SLC14A2: variants seen among roughly 807,000 people sequenced by gnomAD.
SLC14A2 encodes solute carrier family 14 member 2, also known as urea transporter 2.
SLC14A2 carries 91 observed loss-of-function variants against 104.6 expected under a neutral mutation model. The observed-to-expected ratio is 0.87, with a 90% CI of 0.73 to 1.04. SLC14A2 has a LOEUF of 1.04. SLC14A2 is among the 50% of genes least tolerant of loss of function. The pLI, the probability that SLC14A2 is intolerant of heterozygous loss-of-function variation, is 0.00. For synonymous variants in SLC14A2, 476 were observed against 466.4 expected, an observed-to-expected ratio of 1.02 and a Z score of -0.27; for missense variants, 1,189 against 1,156.0, an observed-to-expected ratio of 1.03 and a Z score of -0.41.
chr18:45,330,112 G>T (rs1031195859), intron 1 of SLC14A2, among the ~76,000 whole-genome samples: 1 of 152,122 alleles, frequency 6.6e-6, no homozygotes, highest in African/African-American at 2.4e-5. Context: ...CTGAAGGAGG[G>T]TCTGAACCTG....
intron 2 of SLC14A2, among the ~76,000 whole-genome samples, chr18:45,565,581 G>A (rs1486376706): frequency 1.3e-5 from 2 of 152,232 alleles, no homozygotes; most frequent in African/African-American, 2.4e-5. Context: ...TGAGGACGAT[G>A]AGGCTCAGGA....
At chr18:45,500,349 G>A (rs1568244013) in intron 2 of SLC14A2, among the ~76,000 whole-genome samples, 3 of 151,938 alleles carry the variant, frequency 2.0e-5, no homozygotes, top group Admixed American at 6.5e-5. Context: ...AGGCCGAGGC[G>A]GGCGGATCAC....
At chr18:45,433,557 G>T (rs1046996376) in intron 1 of SLC14A2, among the ~76,000 whole-genome samples, 9 of 152,088 alleles carry the variant, frequency 5.9e-5, no homozygotes, top group Non-Finnish European at 1.3e-4. Context: ...ACACTTCTCC[G>T]CCTTGTACCT....
At chr18:45,562,799 G>T (rs2044217973) in intron 2 of SLC14A2, among the ~76,000 whole-genome samples, 1 of 152,180 alleles carries the variant, frequency 6.6e-6, no homozygotes, top group Admixed American at 6.5e-5. Flanking sequence ...CTCCCTGGGG[G>T]GAAGGGGCTG....
chr18:45,637,151 A>T lies in SLC14A2; in HGVS notation c.812A>T (p.Asn271Ile). 1 of 1,614,186 alleles carries T rather than the reference A, an allele frequency of 6.2e-7. No individual in the cohort carries two copies. Among genetic ancestry groups the T allele is most frequent in the Non-Finnish European group, 8.5e-7 (1 of 1,180,016 alleles). ...GTAGAGCCTGTGTCTTCAGTGCCCA[A>T]TATCACCTGGACAGAGATGGAAATG... ...TLVEPVSSVP[N>I]ITWTEMEMPL... The change falls in exon 6 of 20, where the codon AAT becomes ATT. Residue 271 changes from asparagine (N) to isoleucine (I), a missense_variant. Coordinates refer to ENST00000255226, the MANE Select transcript of SLC14A2 (RefSeq NM_007163.4).
chr18:45,621,230 C>G (rs1189963532), intron 1 of SLC14A2, among the ~76,000 whole-genome samples: 1 of 152,188 alleles, frequency 6.6e-6, no homozygotes, highest in African/African-American at 2.4e-5. Context: ...CTAAACCTTT[C>G]CAGCATGCCC....
chr18:45,265,333 A>G (rs2084581008), intron 1 of SLC14A2, among the ~76,000 whole-genome samples: 1 of 152,194 alleles, frequency 6.6e-6, no homozygotes, highest in Admixed American at 6.5e-5. Context: ...TTCGGTAAGA[A>G]AGAATAATTC....
intron 1 of SLC14A2, among the ~76,000 whole-genome samples, chr18:45,406,725 A>G (rs1300744679): frequency 6.6e-6 from 1 of 152,172 alleles, no homozygotes; most frequent in African/African-American, 2.4e-5. Context: ...CACAACATCC[A>G]TTGTTGGCAT....
At chr18:45,599,620 C>T (rs919331567) in intron 2 of SLC14A2, among the ~76,000 whole-genome samples, 3 of 152,196 alleles carry the variant, frequency 2.0e-5, no homozygotes, top group Non-Finnish European at 4.4e-5. Flanking sequence ...CCACTCTGCA[C>T]CTCCGGCAGG....
At chr18:45,181,526 G>A in the SLC14A2 span, among the ~76,000 whole-genome samples, 3 of 152,062 alleles carry the variant, frequency 2.0e-5, no homozygotes, top group Non-Finnish European at 4.4e-5. Context: ...ATGGCAAGAG[G>A]GAATGTAACT....
intron 2 of SLC14A2, among the ~76,000 whole-genome samples, chr18:45,515,188 A>G (rs1334282502): frequency 6.6e-6 from 1 of 152,242 alleles, no homozygotes; most frequent in Non-Finnish European, 1.5e-5. Flanking sequence ...TGAATGATTA[A>G]AAATGGAAGA....
intron 1 of SLC14A2, among the ~76,000 whole-genome samples, chr18:45,356,095 G>A (rs976693250): frequency 2.0e-5 from 3 of 152,270 alleles, no homozygotes; most frequent in African/African-American, 7.2e-5. Flanking sequence ...GACATGCCAA[G>A]TTTCAGACTA....
At chr18:45,667,480 A>C (rs1239175089) in intron 13 of SLC14A2, among the ~76,000 whole-genome samples, 1 of 152,144 alleles carries the variant, frequency 6.6e-6, no homozygotes, top group Non-Finnish European at 1.5e-5. Flanking sequence ...TCTCTTTAGC[A>C]ATCTTTCCAG....
At chr18:45,412,271 T>G (rs1349661401) in intron 1 of SLC14A2, among the ~76,000 whole-genome samples, 1 of 152,156 alleles carries the variant, frequency 6.6e-6, no homozygotes, top group Non-Finnish European at 1.5e-5. Context: ...GTGAACAATG[T>G]TTTATCCTGG....
At chr18:45,585,138 G>GTCC (rs77973886) in intron 2 of SLC14A2, among the ~76,000 whole-genome samples, 3 of 151,454 alleles carry the variant, frequency 2.0e-5, no homozygotes, top group East Asian at 3.9e-4. Context: ...TTGACACCAT[G>GTCC]TCCTCCTCCT....
chr18:45,600,685 G>A (rs1193043005), intron 2 of SLC14A2, among the ~76,000 whole-genome samples: 1 of 152,144 alleles, frequency 6.6e-6, no homozygotes, highest in African/African-American at 2.4e-5. Flanking sequence ...AAGAGGTGGG[G>A]AATAGGCACT....
At chr18:45,543,517 A>G (rs1049006114) in intron 2 of SLC14A2, among the ~76,000 whole-genome samples, 3 of 152,234 alleles carry the variant, frequency 2.0e-5, no homozygotes, top group Admixed American at 1.3e-4. Flanking sequence ...CACCAGTGGT[A>G]TAAGTTTGTC....
chr18:45,298,408 G>A (rs1388876095), intron 1 of SLC14A2, among the ~76,000 whole-genome samples: 2 of 152,110 alleles, frequency 1.3e-5, no homozygotes, highest in African/African-American at 4.8e-5. Flanking sequence ...AAATCTACTG[G>A]GAGTCCAGGA....
chr18:45,474,222 G>C (rs2087310072), intron 1 of SLC14A2, among the ~76,000 whole-genome samples: 1 of 152,178 alleles, frequency 6.6e-6, no homozygotes, highest in South Asian at 2.1e-4. Flanking sequence ...TCCCGGGGTT[G>C]AAGCCCATTT....
Sources: allele counts gnomAD v4.1 joint callset (sites outside exome capture counted in the v4.1 genomes callset), GRCh38; gene constraint gnomAD v4.1.1; transcripts MANE v1.5; gene names NCBI Gene and HGNC (gene_info 2026-07-23, HGNC 2026-07-21).